The following ATAD2B variants were observed in gnomAD, a reference collection of about 807,000 sequenced individuals.
The protein encoded by ATAD2B is ATPase family AAA domain containing 2B, also known as ATPase family AAA domain-containing protein 2B.
ATAD2B carries 40 observed loss-of-function variants against 167.6 expected under a neutral mutation model. The observed-to-expected ratio is 0.24, with a 90% confidence interval of 0.19 to 0.31. The LOEUF is 0.31. Among genes scored for constraint, ATAD2B ranks in the 10% least tolerant of loss-of-function variants. ATAD2B has a pLI of 1.00. For missense variants in ATAD2B, 1,242 were observed against 1,757.2 expected (o/e 0.71, Z 5.24); for synonymous variants, 579 against 596.5 (o/e 0.97, Z 0.43).
chr2:23,871,441 C>A (rs1349411908), intron 8 of ATAD2B, among the ~76,000 whole-genome samples: 1 of 152,232 alleles, frequency 6.6e-6, no homozygotes, highest in African/African-American at 2.4e-5. Context: ...TATACCCGAG[C>A]ACCCACTGAC....
chr2:23,823,168 G>A (rs554168023), intron 16 of ATAD2B, 90 bp downstream of exon 16: 1 of 1,140,058 alleles, frequency 8.8e-7, no homozygotes, highest in South Asian at 1.6e-5. Flanking sequence ...TATTACAAAA[G>A]TGACACATAA....
At position 23,808,124 on chromosome 2, in the gene ATAD2B, T is replaced by TATATATAAGTAATTA. The variant is rs1558570147; in HGVS notation, c.2454+2191_2454+2192insTAATTACTTATATAT. ...ATATAAGTAATTATATATATAATTA[T>TATATATAAGTAATTA]TATATATAAGTGATTACTTATATTA... On this transcript the variant is annotated intron_variant, in intron 18 of 27. Transcript: ENST00000238789. 5.6e-4 allele frequency among the ~76,000 whole-genome samples: 10 copies of TATATATAAGTAATTA among 17,750 alleles called. No individual in the cohort carries two copies. In the South Asian group the frequency reaches 0.012, roughly 21 times the overall value. 11.6% of individuals were successfully genotyped at this position (17,750 alleles called of 152,430 possible).
intron 22 of ATAD2B, among the ~76,000 whole-genome samples, chr2:23,775,102 T>G (rs2149359357): frequency 6.6e-6 from 1 of 152,198 alleles, no homozygotes; most frequent in South Asian, 2.1e-4. Context: ...AGTTACATTA[T>G]GAGATTCAGA....
chr2:23,702,852 C>T, the ATAD2B span, among the ~76,000 whole-genome samples: 1 of 152,340 alleles, frequency 6.6e-6, no homozygotes, highest in Middle Eastern at 3.4e-3. Flanking sequence ...ATGCTCAGTC[C>T]AGCATTGCGG....
At chr2:23,857,772 C>T (rs1344284631) in intron 12 of ATAD2B, among the ~76,000 whole-genome samples, 3 of 134,820 alleles carry the variant, frequency 2.2e-5, no homozygotes, top group African/African-American at 5.5e-5. Flanking sequence ...GACGGAGTCT[C>T]GCTCTGTCAC....
chr2:23,803,052 T>A (rs1210164466), intron 18 of ATAD2B, among the ~76,000 whole-genome samples: 1 of 152,182 alleles, frequency 6.6e-6, no homozygotes, highest in African/African-American at 2.4e-5. Context: ...GTCCCTTTTT[T>A]CTAAATCAAC....
chr2:23,691,225 G>A, the ATAD2B span: 1 of 220,758 alleles, frequency 4.5e-6, no homozygotes, highest in Non-Finnish European at 9.1e-6. Context: ...CTCTGGATTG[G>A]CTGGCATCAC....
the ATAD2B span, chr2:23,695,878 C>T: frequency 2.6e-6 from 4 of 1,534,208 alleles, no homozygotes; most frequent in Non-Finnish European, 3.5e-6. This position sits in a 1 kb window ranked among gnomAD's most constrained non-coding sequence, Gnocchi z 7.6. Flanking sequence ...CTCAGTGGTT[C>T]CAGTGAGGTG....
intron 27 of ATAD2B, among the ~76,000 whole-genome samples, chr2:23,753,916 T>C (rs1675651875): frequency 2.0e-5 from 3 of 152,062 alleles, no homozygotes; most frequent in Admixed American, 1.3e-4. Context: ...TATTTCTGTA[T>C]ATTTACCACC....
intron 22 of ATAD2B, among the ~76,000 whole-genome samples, chr2:23,775,389 T>C (rs1204608474): frequency 6.6e-6 from 1 of 151,848 alleles, no homozygotes; most frequent in Non-Finnish European, 1.5e-5. Flanking sequence ...AATTTTTGTA[T>C]TTTTAGTAGA....
chr2:23,868,611 C>T (rs994844357), intron 9 of ATAD2B, among the ~76,000 whole-genome samples: 2 of 152,106 alleles, frequency 1.3e-5, no homozygotes, highest in African/African-American at 2.4e-5. Context: ...AACTATTACA[C>T]GAATATGTCT....
At chr2:23,898,456 A>C (rs1288825992) in intron 1 of ATAD2B, among the ~76,000 whole-genome samples, 1 of 152,158 alleles carries the variant, frequency 6.6e-6, no homozygotes, top group African/African-American at 2.4e-5. Flanking sequence ...TAAGCCCTCC[A>C]TCTTTCCCGT....
chr2:23,715,740 T>G, the ATAD2B span, among the ~76,000 whole-genome samples: 1 of 150,314 alleles, frequency 6.7e-6, no homozygotes, highest in African/African-American at 2.4e-5. Context: ...GCTCAAACAC[T>G]GTGGAAATTA....
chr2:23,849,296 A>G (rs1162365619), intron 13 of ATAD2B, among the ~76,000 whole-genome samples: 1 of 152,228 alleles, frequency 6.6e-6, no homozygotes, highest in African/African-American at 2.4e-5. Flanking sequence ...GAATAGGTGA[A>G]TTATTATCTG....
chr2:23,774,852 A>G (rs1558513061), intron 22 of ATAD2B, among the ~76,000 whole-genome samples: 1 of 152,240 alleles, frequency 6.6e-6, no homozygotes, highest in Non-Finnish European at 1.5e-5. Flanking sequence ...GTGAGCTGAG[A>G]TCGTGCCATT....
intron 7 of ATAD2B, among the ~76,000 whole-genome samples, chr2:23,878,025 A>AAAAAAAAAAAAAAAAAAAAAC: frequency 9.3e-6 from 1 of 106,972 alleles, no homozygotes; most frequent in Non-Finnish European, 2.1e-5. Flanking sequence ...AAAAAAAAAA[A>AAAAAAAAAAAAAAAAAAAAAC]AAAAAAAAAA....
At chr2:23,703,249 T>C in the ATAD2B span, 18 of 1,544,204 alleles carry the variant, frequency 1.2e-5, no homozygotes, top group African/African-American at 2.5e-4. Context: ...TACACTCTGC[T>C]GCAGCCACAG....
At chr2:23,691,971 G>A in the ATAD2B span, 7 of 1,244,714 alleles carry the variant, frequency 5.6e-6, no homozygotes, top group Non-Finnish European at 7.8e-6. Flanking sequence ...AGGTCTGTGT[G>A]TGCACACCTG....
intron 17 of ATAD2B, among the ~76,000 whole-genome samples, chr2:23,812,323 A>AT (rs1444249900): frequency 6.6e-6 from 1 of 150,760 alleles, no homozygotes; most frequent in African/African-American, 2.4e-5. Context: ...AAAAAAAAAA[A>AT]TTAAAAAGGT....
Sources: gnomAD v4.1 joint callset for allele counts (sites outside exome capture counted in the v4.1 genomes callset) on GRCh38, gnomAD v4.1.1 for gene constraint, Gnocchi (gnomAD v3.1) non-coding constraint, MANE v1.5 for transcripts, NCBI Gene and HGNC (gene_info 2026-07-23, HGNC 2026-07-21) for gene names.